HRG: variants seen among roughly 807,000 people sequenced by gnomAD.
HRG encodes histidine-rich glycoprotein.
Under a neutral mutation model 29.5 loss-of-function variants are expected in HRG, and 26 were observed. The ratio of observed to expected loss-of-function variants is 0.88; its 90% CI spans 0.65 to 1.22. The LOEUF (loss-of-function observed/expected upper bound fraction) is 1.22. HRG is among the 50% of genes most tolerant of loss of function. HRG has a pLI of 0.00. For missense variants in HRG, 671 were observed against 654.5 expected (o/e 1.03, Z -0.28); for synonymous variants, 243 against 240.4 (o/e 1.01, Z -0.10).
At chr3:186,672,488 A>C (rs1422988198) in intron 4 of HRG, among the ~76,000 whole-genome samples, 2 of 152,234 alleles carry the variant, frequency 1.3e-5, no homozygotes, top group Non-Finnish European at 2.9e-5. Flanking sequence ...CTCGAAGAGG[A>C]AACACATCAA....
rs1719025690 is a variant in HRG at position 186,677,262 on chromosome 3, A to G, written c.957A>G (p.Leu319=). The G allele has an allele frequency of 6.2e-7, 1 of 1,614,000 alleles. No individual in the cohort carries two copies. ...CACTTCCACAAGGCCCTCCTCCACTATTGCCCATGTCCTGCTCAAGTTGTC... is the reference window on the plus strand; with the variant it reads ...CACTTCCACAAGGCCCTCCTCCACTGTTGCCCATGTCCTGCTCAAGTTGTC... ...GPPLPQGPPP[L]LPMSCSSCQH... is the part of the protein sequence containing the mutation. The change falls in exon 7 of 7, where the codon CTA becomes CTG. Residue 319 remains leucine, a synonymous_variant. Transcript: ENST00000232003.
intron 5 of HRG, 116 bp downstream of exon 5, chr3:186,672,983 A>G (rs749125116): frequency 9.7e-5 from 74 of 764,344 alleles, no homozygotes; most frequent in Non-Finnish European, 1.7e-4. Flanking sequence ...AGGAATGAGA[A>G]GGAGAAAATG....
intron 5 of HRG, chr3:186,673,346 AC>A (rs1309704258): frequency 4.6e-6 from 1 of 219,734 alleles, no homozygotes; most frequent in Non-Finnish European, 9.1e-6. Context: ...TCAGGTGTCC[AC>A]CCACTTCGGC....
Position 186,678,136 on chromosome 3 carries a change from C to T in HRG, c.*253C>T. 2.1e-6 allele frequency: 1 copy of T among 471,902 alleles called. No homozygotes were observed. The highest frequency in any genetic ancestry group is 2.3e-5 in the South Asian group (1 of 43,990). The allele number at this position is 471,902 out of a possible 1,614,324, so 29.2% of individuals were successfully genotyped here. A position where few individuals can be genotyped will look rare whatever the true frequency, so the allele number is the denominator to read the frequency against. On this transcript the variant is annotated 3_prime_UTR_variant, in exon 7 of 7. Coordinates refer to ENST00000232003, the MANE Select transcript of HRG (RefSeq NM_000412.5). ...TCACTTGAGACAAATCTATGCCACT[C>T]AGAATCTCCTTCTTTCCTGGACTTA...
At chr3:186,666,640 C>G (rs1278741922) in intron 1 of HRG, among the ~76,000 whole-genome samples, 1 of 152,192 alleles carries the variant, frequency 6.6e-6, no homozygotes, top group East Asian at 1.9e-4. Flanking sequence ...CAAGGCCAGG[C>G]GCGGTGGCTC....
chr3:186,671,866 C>G, intron 4 of HRG, 77 bp downstream of exon 4: 1 of 1,226,540 alleles, frequency 8.2e-7, no homozygotes, highest in Non-Finnish European at 1.2e-6. Context: ...ATGGCATACC[C>G]TCTCCACCTG....
Position 186,677,644 on chromosome 3 carries a change from C to A in HRG, c.1339C>A (p.Pro447Thr). The A allele has an allele frequency of 6.2e-7, 1 of 1,614,126 alleles. No individual in the cohort carries two copies. The highest frequency in any genetic ancestry group is 8.5e-7 in the Non-Finnish European group (1 of 1,180,012). ...HLRRRGPGKG[P>T]RPFHCRQIGS... ...AAGAAGGCGAGGCCCAGGTAAAGGACCCCGTCCCTTCCATTGCAGACAAAT... is the reference window on the plus strand; with the variant it reads ...AAGAAGGCGAGGCCCAGGTAAAGGAACCCGTCCCTTCCATTGCAGACAAAT... The change falls in exon 7 of 7, where the codon CCC becomes ACC. Residue 447 changes from proline to threonine, a missense_variant. By Grantham distance (38) the Pro-to-Thr change is conservative. Coordinates refer to ENST00000232003, the MANE Select transcript of HRG (RefSeq NM_000412.5).
intron 5 of HRG, 182 bp from the exon 6 acceptor site, chr3:186,674,907 C>G (rs1008224032): frequency 2.0e-5 from 13 of 660,164 alleles, no homozygotes; most frequent in Middle Eastern, 4.5e-4. Context: ...CCTTCACCAC[C>G]TGCACTTTCC....
intron 4 of HRG, 112 bp downstream of exon 4, chr3:186,671,901 A>G: frequency 2.1e-6 from 2 of 940,202 alleles, no homozygotes; most frequent in South Asian, 2.7e-5. Context: ...CTGCCTTTTA[A>G]TTTGTCACTT....
In HRG at chr3:186,677,484, A is replaced by G. The variant is rs1406636693; in HGVS notation, c.1179A>G (p.Gly393=). The G allele has an allele frequency of 1.3e-6, 2 of 1,594,490 alleles. No homozygotes were observed. The highest frequency in any genetic ancestry group is 1.7e-6 in the Non-Finnish European group (2 of 1,170,274). The stretch of plus-strand genomic sequence containing the variant: ...ACCCCCATGGACACCATCCTCATGG[A>G]CACCACCCCCATGGACACCATCCCC... ...GHHPHGHHPH[G]HHPHGHHPHG... Residue 393 remains glycine (G), a synonymous_variant, in exon 7 of 7, where the codon GGA becomes GGG. Transcript: ENST00000232003.
chr3:186,671,028 C>T (rs1378792924), intron 3 of HRG, among the ~76,000 whole-genome samples: 1 of 151,716 alleles, frequency 6.6e-6, no homozygotes, highest in Admixed American at 6.6e-5. Context: ...AATGCTCTGT[C>T]TTCCCCCTTG....
chr3:186,672,682 G>T, intron 4 of HRG, 105 bp from the exon 5 acceptor site: 1 of 772,710 alleles, frequency 1.3e-6, no homozygotes. Flanking sequence ...TGGTGATTTT[G>T]AATTCTCATA....
chr3:186,671,086 G>C (rs1022769350), intron 3 of HRG, among the ~76,000 whole-genome samples: 3 of 151,286 alleles, frequency 2.0e-5, no homozygotes, highest in African/African-American at 7.3e-5. Flanking sequence ...TGGTGCGGTG[G>C]CTCACATCTA....
chr3:186,678,160 T>C lies in HRG; in HGVS notation c.*277T>C. On this transcript the variant is annotated 3_prime_UTR_variant, in exon 7 of 7. Transcript: ENST00000232003. ...TCAGAATCTCCTTCTTTCCTGGACT[T>C]AACTCTAATTCTAGAGTCTCTGTTA... 1 of 423,120 alleles carries C rather than the reference T, an allele frequency of 2.4e-6. No individual in the cohort carries two copies. The highest frequency in any genetic ancestry group is 4.3e-6 in the Non-Finnish European group (1 of 230,366). The allele number at this position is 423,120 out of a possible 1,614,324, so 26.2% of individuals were successfully genotyped here.
chr3:186,672,947 A>AGGAGAT, intron 5 of HRG, 80 bp downstream of exon 5: 1 of 904,204 alleles, frequency 1.1e-6, no homozygotes, highest in South Asian at 1.3e-5. Flanking sequence ...GAGAAGGAGA[A>AGGAGAT]GGAGAGGAAG....
chr3:186,668,872 A>G, intron 1 of HRG, 63 bp from the exon 2 acceptor site: 1 of 689,068 alleles, frequency 1.5e-6, no homozygotes, highest in South Asian at 1.5e-5. Flanking sequence ...TAGCTTTAAT[A>G]CATAAAAAAA....
intron 5 of HRG, chr3:186,674,487 T>C (rs1452778585): frequency 1.2e-5 from 2 of 169,448 alleles, no homozygotes; most frequent in Admixed American, 1.1e-4. Context: ...AGAACCTCAA[T>C]GCTTAGCAAT....
At position 186,677,082 on chromosome 3, in the gene HRG, G is replaced by A. The variant is rs1323330737; in HGVS notation, c.777G>A (p.Leu259=). ...ACATCAATGGTGTACCGCCTCATTT[G>A]GGACATCCCTTCCACTGGGGTGGGC... ...HENINGVPPH[L]GHPFHWGGHE... is the part of the protein sequence containing the mutation. Residue 259 remains leucine, a synonymous_variant, in exon 7 of 7, where the codon TTG becomes TTA. Transcript: ENST00000232003. 1 of 1,613,932 alleles carries A rather than the reference G, an allele frequency of 6.2e-7. No homozygotes were observed. Among genetic ancestry groups the A allele is most frequent in the Admixed American group, 1.7e-5 (1 of 60,016 alleles).
At position 186,669,019 on chromosome 3, in the gene HRG, G is replaced by C; in HGVS notation, c.268G>C (p.Glu90Gln). 1 of 1,609,068 alleles carries C rather than the reference G, an allele frequency of 6.2e-7. No individual in the cohort carries two copies. Among genetic ancestry groups the C allele is most frequent in the South Asian group, 1.1e-5 (1 of 90,996 alleles). ...VLSRKYWNDC[E>Q]PPDSRRPSEI... is the part of the protein sequence containing the mutation. ...ATCCAGGAAATACTGGAATGACTGT[G>C]AGCCACCTGATTCCAGACGTCCATC... is the stretch of plus-strand genomic sequence containing the variant. Residue 90 changes from glutamate (E) to glutamine (Q), a missense_variant, in exon 2 of 7, where the codon GAG (glutamate) becomes CAG (glutamine). By Grantham distance (29) the Glu-to-Gln change is conservative. Transcript: ENST00000232003.
Sources: allele counts gnomAD v4.1 joint callset (sites outside exome capture counted in the v4.1 genomes callset), GRCh38; gene constraint gnomAD v4.1.1; transcripts MANE v1.5; gene names NCBI Gene and HGNC (gene_info 2026-07-23, HGNC 2026-07-21).